Variants in SPAG16 observed in about 807,000 individuals in gnomAD.
SPAG16 encodes sperm-associated antigen 16 protein.
SPAG16 carries 86 observed loss-of-function variants against 80.4 expected under a neutral mutation model. The ratio of observed to expected loss-of-function variants is 1.07; its 90% CI spans 0.90 to 1.28. The LOEUF is 1.28. Among genes scored for constraint, SPAG16 ranks in the 50% most tolerant of loss-of-function variants. The pLI is 0.00. For synonymous variants in SPAG16, 294 were observed against 265.9 expected (o/e 1.11, Z -1.03); for missense variants, 870 against 765.3 (o/e 1.14, Z -1.61).
At chr2:213,466,860 G>A (rs2072727007) in intron 9 of SPAG16, among the ~76,000 whole-genome samples, 1 of 152,186 alleles carries the variant, frequency 6.6e-6, no homozygotes, top group Non-Finnish European at 1.5e-5. Context: ...AATCCCTGAA[G>A]TACACCATCC....
intron 15 of SPAG16, among the ~76,000 whole-genome samples, chr2:214,328,926 C>T (rs1696692336): frequency 6.6e-6 from 1 of 151,890 alleles, no homozygotes; most frequent in Admixed American, 6.6e-5. Flanking sequence ...TTTTTTAAAG[C>T]TTGGAGTGAC....
intron 12 of SPAG16, among the ~76,000 whole-genome samples, chr2:213,995,372 G>C (rs1406314713): frequency 6.6e-6 from 1 of 152,148 alleles, no homozygotes; most frequent in Non-Finnish European, 1.5e-5. Context: ...TGATATTATA[G>C]CAGAGAAAAA....
chr2:213,596,310 A>T (rs2060884428), intron 10 of SPAG16, among the ~76,000 whole-genome samples: 1 of 152,038 alleles, frequency 6.6e-6, no homozygotes, highest in Middle Eastern at 3.2e-3. Context: ...ATGAAATATG[A>T]TGTATTTTAG....
intron 12 of SPAG16, among the ~76,000 whole-genome samples, chr2:213,951,196 AT>A (rs2079758901): frequency 6.6e-6 from 1 of 152,132 alleles, no homozygotes; most frequent in Non-Finnish European, 1.5e-5. Flanking sequence ...AATGATGTAA[AT>A]CCTGATTAAG....
chr2:213,332,559 C>G (rs1018799887), intron 5 of SPAG16, among the ~76,000 whole-genome samples: 1 of 152,106 alleles, frequency 6.6e-6, no homozygotes, highest in Middle Eastern at 3.4e-3. Flanking sequence ...CCCTGATACC[C>G]AAACCAAAGA....
At position 213,350,969 on chromosome 2, in the gene SPAG16, CAA is replaced by C. The variant is rs11320402; in HGVS notation, c.762+336_762+337del. Among the ~76,000 whole-genome samples, 132 of 140,928 alleles carry C rather than the reference CAA, an allele frequency of 9.4e-4. 1 individual carries two copies. The highest frequency in any genetic ancestry group is 1.7e-3 in the African/African-American group (65 of 38,702). The allele number at this position is 140,928 out of a possible 152,430, so 92.5% of individuals were successfully genotyped here. On this transcript the variant is annotated intron_variant, in intron 7 of 15. Transcript: ENST00000331683. ...TGAAAACCTGTCTCTACTAAAAATA[CAA>C]AAAAAAAAAAACAAAAAACAAATAG...
At chr2:214,315,504 T>A (rs1262914846) in intron 15 of SPAG16, among the ~76,000 whole-genome samples, 2 of 27,380 alleles carry the variant, frequency 7.3e-5, no homozygotes, top group African/African-American at 5.9e-4. Context: ...CCATCTTTTT[T>A]ATTTATTTAT....
At chr2:214,349,644 A>C (rs1440304221) in intron 15 of SPAG16, among the ~76,000 whole-genome samples, 1 of 152,232 alleles carries the variant, frequency 6.6e-6, no homozygotes, top group Non-Finnish European at 1.5e-5. Context: ...TTTTAGTTTT[A>C]TAAGAAACTA....
intron 9 of SPAG16, among the ~76,000 whole-genome samples, chr2:213,443,931 C>CACA (rs1473632288): frequency 6.6e-6 from 1 of 152,016 alleles, no homozygotes; most frequent in Non-Finnish European, 1.5e-5. Flanking sequence ...TGTTTATCTG[C>CACA]CTTTTTCTAT....
chr2:214,019,755 C>A (rs986365403), intron 13 of SPAG16, among the ~76,000 whole-genome samples: 1 of 152,010 alleles, frequency 6.6e-6, no homozygotes, highest in African/African-American at 2.4e-5. Flanking sequence ...GAAGCTTGTA[C>A]CTCTCTCTTT....
At chr2:213,326,104 C>A (rs1043414251) in intron 5 of SPAG16, among the ~76,000 whole-genome samples, 4 of 151,780 alleles carry the variant, frequency 2.6e-5, no homozygotes, top group Non-Finnish European at 5.9e-5. Context: ...ATAATGCAGA[C>A]CAGAAAGGCT....
At chr2:213,320,928 A>T (rs2063584857) in intron 5 of SPAG16, among the ~76,000 whole-genome samples, 1 of 152,070 alleles carries the variant, frequency 6.6e-6, no homozygotes, top group Admixed American at 6.6e-5. Flanking sequence ...AGCCTGCCCC[A>T]AATGGTAGTG....
chr2:214,002,918 A>G (rs747656628), intron 12 of SPAG16, among the ~76,000 whole-genome samples: 3 of 152,192 alleles, frequency 2.0e-5, no homozygotes, highest in Non-Finnish European at 4.4e-5. Context: ...CCATCTGGAC[A>G]TACTTATCCT....
chr2:213,743,158 C>T (rs1438941153), intron 10 of SPAG16, among the ~76,000 whole-genome samples: 1 of 150,564 alleles, frequency 6.6e-6, no homozygotes, highest in Non-Finnish European at 1.5e-5. Context: ...CCGCGTCAGC[C>T]TCCCAAAGTG....
At chr2:214,083,032 A>G (rs2051487391) in intron 13 of SPAG16, among the ~76,000 whole-genome samples, 1 of 152,080 alleles carries the variant, frequency 6.6e-6, no homozygotes, top group Admixed American at 6.6e-5. Context: ...TTTTGACCCT[A>G]TTTTGTTCTT....
chr2:213,650,634 C>T (rs1014650561), intron 10 of SPAG16, among the ~76,000 whole-genome samples: 3 of 152,210 alleles, frequency 2.0e-5, no homozygotes, highest in African/African-American at 7.2e-5. Context: ...GTCTTAATTT[C>T]TGCAATCAGT....
chr2:213,533,159 G>A (rs1391445382), intron 10 of SPAG16, among the ~76,000 whole-genome samples: 1 of 152,098 alleles, frequency 6.6e-6, no homozygotes, highest in East Asian at 1.9e-4. Context: ...GCACATATAT[G>A]CATGAATGGA....
chr2:213,396,790 C>G, intron 9 of SPAG16: 1 of 376,522 alleles, frequency 2.7e-6, no homozygotes, highest in Admixed American at 2.7e-5. Context: ...TCCCTTTCGT[C>G]AACACCCATA....
chr2:213,450,816 A>G (rs1368531829), intron 9 of SPAG16, among the ~76,000 whole-genome samples: 1 of 152,132 alleles, frequency 6.6e-6, no homozygotes, highest in Non-Finnish European at 1.5e-5. Context: ...GAATGCTTTC[A>G]TTTTCCATAC....
Sources: gnomAD v4.1 joint callset for allele counts (sites outside exome capture counted in the v4.1 genomes callset) on GRCh38, gnomAD v4.1.1 for gene constraint, MANE v1.5 for transcripts, NCBI Gene and HGNC (gene_info 2026-07-23, HGNC 2026-07-21) for gene names.